FAM81A: variants seen among roughly 807,000 people sequenced by gnomAD.
FAM81A encodes family with sequence similarity 81 member A, also known as protein FAM81A.
Under a neutral mutation model 46.7 loss-of-function variants are expected in FAM81A, and 19 were observed. The ratio of observed to expected loss-of-function variants is 0.41; its 90% confidence interval spans 0.28 to 0.60. The LOEUF is 0.60. Among genes scored for constraint, FAM81A ranks in the 20% least tolerant of loss-of-function variants. The pLI, the probability that FAM81A is intolerant of heterozygous loss-of-function variation, is 0.34. For synonymous variants in FAM81A, 183 were observed against 152.9 expected (o/e 1.20, Z -1.45); for missense variants, 377 against 453.5 (o/e 0.83, Z 1.53).
At position 59,521,363 on chromosome 15, in the gene FAM81A, A is replaced by T; in HGVS notation, c.1092A>T (p.Pro364=). ...LQKQIQLMQK[P]ETPM ...AGCAAATCCAGCTGATGCAGAAGCC[A>T]GAGACCCCCATGTGAAGGGAGCTGG... is the stretch of plus-strand genomic sequence containing the variant. The change falls in exon 9 of 9, where the codon CCA becomes CCT. Residue 364 remains proline, a synonymous_variant. Transcript: ENST00000288228. The T allele has an allele frequency of 6.2e-7, 1 of 1,611,248 alleles. No homozygotes were observed. Among genetic ancestry groups the T allele is most frequent in the East Asian group, 2.2e-5 (1 of 44,836 alleles).
intron 1 of FAM81A, among the ~76,000 whole-genome samples, chr15:59,441,876 C>T (rs532999689): frequency 2.0e-5 from 3 of 152,338 alleles, no homozygotes; most frequent in Admixed American, 2.0e-4. Context: ...GCCCCAGCCT[C>T]ACCTCTGAGC....
chr15:59,497,949 T>G (rs918337525), intron 4 of FAM81A, among the ~76,000 whole-genome samples: 5 of 152,230 alleles, frequency 3.3e-5, no homozygotes, highest in African/African-American at 7.2e-5. Context: ...TTTGAACTCT[T>G]GGGCTCAAGC....
chr15:59,415,627 G>T (rs2081143489), intron 2 of FAM81A, among the ~76,000 whole-genome samples: 1 of 152,218 alleles, frequency 6.6e-6, no homozygotes, highest in African/African-American at 2.4e-5. Context: ...CCTCTAAAAA[G>T]AATGCAGCTC....
chr15:59,425,491 G>T (rs1164965797), intron 2 of FAM81A, among the ~76,000 whole-genome samples: 2 of 151,996 alleles, frequency 1.3e-5, no homozygotes, highest in African/African-American at 4.8e-5. Flanking sequence ...TGCTAAAATA[G>T]TTTTTTTCTT....
chr15:59,431,513 G>A (rs576036215), intron 2 of FAM81A, among the ~76,000 whole-genome samples: 7 of 150,434 alleles, frequency 4.7e-5, no homozygotes, highest in African/African-American at 9.8e-5. Flanking sequence ...GATTACAGGC[G>A]TGAGCCACTG....
At chr15:59,465,620 G>A (rs1052243736) in intron 3 of FAM81A, among the ~76,000 whole-genome samples, 2 of 152,132 alleles carry the variant, frequency 1.3e-5, no homozygotes, top group African/African-American at 4.8e-5. Context: ...GCGGTCTTTT[G>A]TGGTTCCATA....
chr15:59,515,923 G>C (rs774157653), intron 7 of FAM81A, among the ~76,000 whole-genome samples: 20 of 152,146 alleles, frequency 1.3e-4, no homozygotes, highest in Non-Finnish European at 2.6e-4. Flanking sequence ...CAGTGACCCA[G>C]GATCCTTCCA....
intron 1 of FAM81A, among the ~76,000 whole-genome samples, chr15:59,400,945 A>G (rs1278702605): frequency 7.9e-5 from 12 of 152,210 alleles, no homozygotes; most frequent in African/African-American, 2.4e-4. Flanking sequence ...AAAGGTTTCA[A>G]ATTAATTCTG....
intron 2 of FAM81A, among the ~76,000 whole-genome samples, chr15:59,422,765 A>T (rs906852002): frequency 5.9e-5 from 9 of 151,910 alleles, no homozygotes; most frequent in African/African-American, 2.2e-4. Flanking sequence ...CGTGAGCCAC[A>T]TGCCCAGCCA....
rs145250066 is a variant in FAM81A, at chr15:59,492,760, G to T, written c.413+371G>T. 4.8e-3 allele frequency among the ~76,000 whole-genome samples: 737 copies of T among 152,232 alleles called. 30 individuals carry two copies. In the South Asian group the frequency reaches 0.085, roughly 17 times the overall value. On this transcript the variant is annotated intron_variant, in intron 4 of 8. Transcript: ENST00000288228. ...GTTATTCATTTTTATTTTATTTTCG[G>T]AAAGTATTGGTCTGGGAAAGATTGG...
At chr15:59,489,841 CTG>C (rs1431207137) in intron 3 of FAM81A, among the ~76,000 whole-genome samples, 2 of 152,108 alleles carry the variant, frequency 1.3e-5, no homozygotes, top group East Asian at 3.9e-4. Flanking sequence ...GCTGGGAAAA[CTG>C]AATATCCATA....
At chr15:59,447,096 C>T (rs935728242) in intron 1 of FAM81A, among the ~76,000 whole-genome samples, 2 of 152,158 alleles carry the variant, frequency 1.3e-5, no homozygotes, top group African/African-American at 4.8e-5. Flanking sequence ...GTACCCAGTG[C>T]CACTATTTAC....
chr15:59,401,806 T>C, intron 1 of FAM81A: 1 of 740,130 alleles, frequency 1.4e-6, no homozygotes, highest in Non-Finnish European at 2.5e-6. Context: ...TTTTCATGCA[T>C]CTTGATAGTC....
At position 59,523,455 on chromosome 15, in the gene FAM81A, T is replaced by C. The variant is rs571001836; in HGVS notation, c.*2077T>C. The C allele has an allele frequency of 5.9e-5, 9 of 152,368 alleles. No individual in the cohort carries two copies. Among genetic ancestry groups the C allele is most frequent in the African/African-American group, 2.2e-4 (9 of 41,584 alleles). The allele number at this position is 152,368 out of a possible 1,614,324, so 9.4% of individuals were successfully genotyped here. A position where few individuals can be genotyped will look rare whatever the true frequency, so the allele number is the denominator to read the frequency against. ...GAGGTGGTGAGCTGTCGAGCCACAG[T>C]GCAGTTCTCTTCTCACCAAAGCTCA... On this transcript the variant is annotated 3_prime_UTR_variant, in exon 9 of 9. Coordinates refer to ENST00000288228, the MANE Select transcript of FAM81A (RefSeq NM_152450.3).
intron 5 of FAM81A, 53 bp from the exon 6 acceptor site, chr15:59,508,810 G>C (rs1445150944): frequency 1.5e-6 from 2 of 1,333,604 alleles, no homozygotes; most frequent in African/African-American, 2.9e-5. Flanking sequence ...GTTTTCTGAA[G>C]TTGCATCTGA....
intron 1 of FAM81A, among the ~76,000 whole-genome samples, chr15:59,398,932 G>A (rs1274826343): frequency 2.0e-5 from 3 of 152,116 alleles, no homozygotes; most frequent in East Asian, 3.8e-4. Flanking sequence ...CACTTTGGGA[G>A]GCCAAGACAG....
intron 3 of FAM81A, among the ~76,000 whole-genome samples, chr15:59,482,778 G>T (rs2081869873): frequency 6.6e-6 from 1 of 152,182 alleles, no homozygotes; most frequent in Non-Finnish European, 1.5e-5. Context: ...ACTTTCTATT[G>T]ACTCTAACTA....
intron 3 of FAM81A, among the ~76,000 whole-genome samples, chr15:59,479,519 G>GAAAAAAAAAAAAA (rs57107735): frequency 2.8e-4 from 20 of 72,656 alleles, no homozygotes; most frequent in Middle Eastern, 0.014. Context: ...TCAAAAATAA[G>GAAAAAAAAAAAAA]AAAAAAAAAA....
intron 2 of FAM81A, among the ~76,000 whole-genome samples, chr15:59,429,926 G>T (rs1596467076): frequency 6.6e-6 from 1 of 152,224 alleles, no homozygotes; most frequent in African/African-American, 2.4e-5. Context: ...GTGGCGAAGA[G>T]TCTTAGAGGG....
Sources: allele counts gnomAD v4.1 joint callset (sites outside exome capture counted in the v4.1 genomes callset), GRCh38; gene constraint gnomAD v4.1.1; transcripts MANE v1.5; gene names NCBI Gene and HGNC (gene_info 2026-07-23, HGNC 2026-07-21).